Variants in ZNF804B observed in about 807,000 individuals in gnomAD.
ZNF804B encodes zinc finger 804B.
Under a neutral mutation model 101.4 loss-of-function variants are expected in ZNF804B, and 80 were observed. That is an observed-to-expected ratio of 0.79 (90% confidence interval 0.66 to 0.95). The LOEUF (loss-of-function observed/expected upper bound fraction) is 0.95. Among genes scored for constraint, ZNF804B ranks in the 40% least tolerant of loss-of-function variants. ZNF804B has a pLI of 0.00. For missense variants in ZNF804B, 1,673 were observed against 1,561.9 expected (o/e 1.07, Z -1.20); for synonymous variants, 622 against 558.8 (o/e 1.11, Z -1.59).
intron 1 of ZNF804B, among the ~76,000 whole-genome samples, chr7:88,808,167 G>A (rs986466532): frequency 1.1e-4 from 17 of 152,126 alleles, no homozygotes; most frequent in African/African-American, 3.4e-4. Context: ...TGAGGCGGGC[G>A]GATCACCTGA....
At chr7:88,817,845 C>T (rs893822119) in intron 1 of ZNF804B, among the ~76,000 whole-genome samples, 5 of 152,114 alleles carry the variant, frequency 3.3e-5, no homozygotes, top group Admixed American at 2.6e-4. Context: ...AACTGTTATT[C>T]CAATAGAGGA....
intron 1 of ZNF804B, among the ~76,000 whole-genome samples, chr7:88,962,266 C>T (rs1045850457): frequency 6.6e-6 from 1 of 151,254 alleles, no homozygotes; most frequent in African/African-American, 2.4e-5. Context: ...CTTCACACAG[C>T]ATCATTTGCT....
intron 1 of ZNF804B, among the ~76,000 whole-genome samples, chr7:89,030,999 A>G (rs1367986182): frequency 6.6e-6 from 1 of 150,920 alleles, no homozygotes; most frequent in Non-Finnish European, 1.5e-5. Context: ...AAAACCCTGC[A>G]TTACACACTG....
At chr7:89,148,439 C>G (rs1790822035) in intron 1 of ZNF804B, among the ~76,000 whole-genome samples, 1 of 152,014 alleles carries the variant, frequency 6.6e-6, no homozygotes, top group Admixed American at 6.6e-5. Context: ...GAGAAATAGG[C>G]AAGGCATTCA....
intron 2 of ZNF804B, among the ~76,000 whole-genome samples, chr7:89,290,118 G>A (rs186341787): frequency 4.0e-5 from 6 of 150,824 alleles, no homozygotes; most frequent in African/African-American, 1.5e-4. Context: ...TAGGCCAGAA[G>A]GAAATCTGCT....
At chr7:88,782,149 C>A (rs1334813693) in intron 1 of ZNF804B, among the ~76,000 whole-genome samples, 1 of 148,556 alleles carries the variant, frequency 6.7e-6, no homozygotes, top group East Asian at 2.0e-4. Flanking sequence ...TGTAATAGGG[C>A]AAGAGAGGAG....
chr7:89,212,053 C>G (rs952464967), intron 1 of ZNF804B, among the ~76,000 whole-genome samples: 2 of 151,946 alleles, frequency 1.3e-5, no homozygotes, highest in African/African-American at 4.8e-5. Context: ...TTGAAGAGGT[C>G]CCTCACTTCC....
chr7:89,241,929 A>G lies in ZNF804B; in HGVS notation c.249+23634A>G, dbSNP rs115296134. Among the ~76,000 whole-genome samples the G allele has an allele frequency of 3.7e-3, 540 of 146,164 alleles. 7 individuals carry two copies. Among genetic ancestry groups the G allele is most frequent in the African/African-American group, 0.013 (501 of 39,556 alleles). ...TTTTCTCTTAAAGGAACAATATGCT[A>G]TGATCTTTCACACTTTCCACCAACT... On this transcript the variant is annotated intron_variant, in intron 2 of 3. Transcript: ENST00000333190.
intron 2 of ZNF804B, among the ~76,000 whole-genome samples, chr7:89,230,709 C>T (rs1034733382): frequency 6.6e-5 from 10 of 152,132 alleles, no homozygotes; most frequent in African/African-American, 2.4e-4. Flanking sequence ...GGTGCTGAAA[C>T]ACCTGGACAT....
intron 1 of ZNF804B, among the ~76,000 whole-genome samples, chr7:89,205,600 G>C (rs1321176968): frequency 6.6e-6 from 1 of 152,146 alleles, no homozygotes; most frequent in East Asian, 1.9e-4. Context: ...GATCTCCTTT[G>C]ACCTCATGTC....
chr7:88,981,133 T>C (rs1793688243), intron 1 of ZNF804B, among the ~76,000 whole-genome samples: 1 of 152,076 alleles, frequency 6.6e-6, no homozygotes, highest in Non-Finnish European at 1.5e-5. Context: ...AGCATGGTGC[T>C]GGGTCTTACC....
chr7:89,137,442 T>C lies in ZNF804B; in HGVS notation c.109-80713T>C, dbSNP rs1790654520. The stretch of plus-strand genomic sequence containing the variant: ...GTGGTCTCAGATGGAGATGAGGAAT[T>C]TGTTGAGAACTGGAGTTAAAGGTGA... On this transcript the variant is annotated intron_variant, in intron 1 of 3. Coordinates refer to ENST00000333190, the MANE Select transcript of ZNF804B (RefSeq NM_181646.5). Among the ~76,000 whole-genome samples, 3 of 152,068 alleles carry C rather than the reference T, an allele frequency of 2.0e-5. No homozygotes were observed. In the South Asian group the frequency reaches 6.2e-4, roughly 32 times the overall value.
At chr7:89,267,972 C>G (rs1231485533) in intron 2 of ZNF804B, among the ~76,000 whole-genome samples, 3 of 152,022 alleles carry the variant, frequency 2.0e-5, no homozygotes, top group Non-Finnish European at 4.4e-5. Flanking sequence ...ATATTACTCT[C>G]TATTTAATTA....
chr7:89,161,341 G>T (rs1321064034), intron 1 of ZNF804B, among the ~76,000 whole-genome samples: 1 of 151,542 alleles, frequency 6.6e-6, no homozygotes, highest in African/African-American at 2.4e-5. Context: ...GAAGCCAACA[G>T]AACATTACCT....
intron 2 of ZNF804B, among the ~76,000 whole-genome samples, chr7:89,223,334 T>C (rs576108370): frequency 1.1e-4 from 16 of 152,066 alleles, no homozygotes; most frequent in African/African-American, 3.9e-4. Flanking sequence ...AATCTATGAA[T>C]ACTCTTCTCT....
In ZNF804B at chr7:89,327,855, G is replaced by A. The variant is rs186367204; in HGVS notation, c.380+381G>A. 2.7e-3 allele frequency among the ~76,000 whole-genome samples: 413 copies of A among 151,986 alleles called. 3 individuals are homozygous for A. In the South Asian group the frequency reaches 0.028, roughly 10 times the overall value. On this transcript the variant is annotated intron_variant, in intron 3 of 3. Transcript: ENST00000333190. Reference sequence around the variant, plus strand: ...GAATAAGTCTTCTGAACATTTCCGTGTACACACCTGTGTCTAGTACAAATA... The same window carrying A: ...GAATAAGTCTTCTGAACATTTCCGTATACACACCTGTGTCTAGTACAAATA...
intron 2 of ZNF804B, among the ~76,000 whole-genome samples, chr7:89,281,722 G>T (rs542181093): frequency 6.6e-6 from 1 of 152,284 alleles, no homozygotes; most frequent in South Asian, 2.1e-4. Context: ...TGCCCAGACT[G>T]AAGTGTAGTG....
At chr7:89,254,134 C>T (rs530282864) in intron 2 of ZNF804B, among the ~76,000 whole-genome samples, 25 of 152,094 alleles carry the variant, frequency 1.6e-4, no homozygotes, top group Admixed American at 1.3e-3. Flanking sequence ...ATTGCATTGA[C>T]GGTTCTAGCT....
intron 1 of ZNF804B, among the ~76,000 whole-genome samples, chr7:89,014,022 G>A (rs1788502134): frequency 1.3e-5 from 2 of 152,060 alleles, no homozygotes. Context: ...ATATGGGGGT[G>A]CAGATATGTC....
Sources: allele counts gnomAD v4.1 joint callset (sites outside exome capture counted in the v4.1 genomes callset), GRCh38; gene constraint gnomAD v4.1.1; transcripts MANE v1.5; gene names NCBI Gene and HGNC (gene_info 2026-07-23, HGNC 2026-07-21).